The following SUPT3H variants were observed in gnomAD, a reference collection of about 807,000 sequenced individuals.
The protein encoded by SUPT3H is transcription initiation protein SPT3 homolog.
In SUPT3H, 44 loss-of-function variants were observed where a neutral mutation model predicts 44.3. The observed-to-expected ratio is 0.99, with a 90% confidence interval of 0.78 to 1.28. The LOEUF (loss-of-function observed/expected upper bound fraction) is 1.28, where lower values mean the gene tolerates loss of function less well. Ranked by LOEUF, SUPT3H falls within the 50% of genes most tolerant of loss-of-function variation. The pLI is 0.00. For synonymous variants in SUPT3H, 124 were observed against 125.6 expected (o/e 0.99, Z 0.09); for missense variants, 380 against 387.1 (o/e 0.98, Z 0.15).
intron 10 of SUPT3H, among the ~76,000 whole-genome samples, chr6:44,890,753 TATA>T (rs759182550): frequency 6.1e-5 from 7 of 114,258 alleles, no homozygotes; most frequent in Non-Finnish European, 5.8e-5. Context: ...AAACTTAAAG[TATA>T]ATAATAATAA....
chr6:45,065,526 T>G lies in SUPT3H; in HGVS notation c.186+40396A>C, dbSNP rs1014633146. 5.2e-4 allele frequency among the ~76,000 whole-genome samples: 79 copies of G among 151,280 alleles called. 1 individual carries two copies. Among genetic ancestry groups the G allele is most frequent in the African/African-American group, 1.8e-3 (72 of 41,022 alleles). On this transcript the variant is annotated intron_variant, in intron 3 of 10. Coordinates refer to ENST00000371459, the MANE Select transcript of SUPT3H (RefSeq NM_003599.4). ...AAAAATCAATGAATCCAGGAGCTGGTTTTTTGAAAGGATCAACAAAATTGA... is the reference window on the plus strand; with the variant it reads ...AAAAATCAATGAATCCAGGAGCTGGGTTTTTGAAAGGATCAACAAAATTGA...
At chr6:45,076,811 T>A (rs1236589181) in intron 3 of SUPT3H, among the ~76,000 whole-genome samples, 1 of 152,114 alleles carries the variant, frequency 6.6e-6, no homozygotes, top group African/African-American at 2.4e-5. Context: ...AGATGCCCAG[T>A]TTCCTAGCAG....
intron 2 of SUPT3H, among the ~76,000 whole-genome samples, chr6:45,304,241 AT>A (rs1389819655): frequency 6.6e-6 from 1 of 152,198 alleles, no homozygotes; most frequent in Non-Finnish European, 1.5e-5. Flanking sequence ...ATTAAAAGAC[AT>A]TTAAAACTGC....
chr6:44,872,621 A>C (rs748159283), intron 10 of SUPT3H, among the ~76,000 whole-genome samples: 45 of 147,606 alleles, frequency 3.0e-4, no homozygotes, highest in Non-Finnish European at 5.0e-4. Flanking sequence ...TAACATCATA[A>C]TGACAGGATC....
intron 10 of SUPT3H, among the ~76,000 whole-genome samples, chr6:44,911,272 CCCA>C (rs1024131515): frequency 2.4e-5 from 3 of 122,488 alleles, no homozygotes; most frequent in African/African-American, 8.7e-5. Context: ...AGTCAGCATT[CCCA>C]CCACATGTTT....
chr6:45,178,678 C>A lies in SUPT3H; in HGVS notation c.102-72672G>T, dbSNP rs529883850. On this transcript the variant is annotated intron_variant, in intron 2 of 10. Coordinates refer to ENST00000371459, the MANE Select transcript of SUPT3H (RefSeq NM_003599.4). ...ACATAGTTGGAAGTAAAGCTCTCCT[C>A]AGCAAATGTAAAAGAACAGAAATTA... Among the ~76,000 whole-genome samples, 4 of 152,180 alleles carry A rather than the reference C, an allele frequency of 2.6e-5. No homozygotes were observed. In the South Asian group the frequency reaches 6.2e-4, roughly 24 times the overall value.
chr6:44,954,215 C>A (rs1223080046), intron 8 of SUPT3H, among the ~76,000 whole-genome samples: 6 of 152,154 alleles, frequency 3.9e-5, no homozygotes, highest in African/African-American at 1.4e-4. Context: ...CTAAACAAGG[C>A]AGATGTGGAT....
intron 2 of SUPT3H, among the ~76,000 whole-genome samples, chr6:45,228,728 A>T (rs1767393820): frequency 6.6e-6 from 1 of 152,088 alleles, no homozygotes; most frequent in African/African-American, 2.4e-5. Flanking sequence ...GGCTCACTAC[A>T]GCCGCCGCCC....
intron 2 of SUPT3H, among the ~76,000 whole-genome samples, chr6:45,123,139 T>C (rs1801911905): frequency 6.6e-6 from 1 of 152,160 alleles, no homozygotes; most frequent in Admixed American, 6.5e-5. Context: ...ACTTTAACAA[T>C]ATTCACTGAA....
chr6:45,206,182 TAGTA>T (rs1237106427), intron 2 of SUPT3H, among the ~76,000 whole-genome samples: 2 of 152,278 alleles, frequency 1.3e-5, no homozygotes, highest in African/African-American at 4.8e-5. Flanking sequence ...GAACATGTGT[TAGTA>T]AGGAAGAATA....
rs201176919 is a variant in SUPT3H at position 45,288,468 on chromosome 6, A to G, written c.101+76733T>C. Among the ~76,000 whole-genome samples, 3 of 150,908 alleles carry G rather than the reference A, an allele frequency of 2.0e-5. No individual in the cohort carries two copies. The East Asian group carries it at 5.8e-4, about 29-fold the overall frequency. On this transcript the variant is annotated intron_variant, in intron 2 of 10. Transcript: ENST00000371459. ...AGATGGCAAAATTATTATAAATTCA[A>G]TAATGTTTTAAAATGTATTTGTACT...
At chr6:45,265,493 A>C (rs903500284) in intron 2 of SUPT3H, among the ~76,000 whole-genome samples, 2 of 152,080 alleles carry the variant, frequency 1.3e-5, no homozygotes, top group Non-Finnish European at 2.9e-5. Context: ...AACCTTCGTC[A>C]CTTCCTGGGA....
chr6:45,337,365 C>T (rs966860903), intron 2 of SUPT3H, among the ~76,000 whole-genome samples: 1 of 151,486 alleles, frequency 6.6e-6, no homozygotes, highest in Admixed American at 6.6e-5. Context: ...GGTGTATCTC[C>T]AGCATTCGAA....
chr6:45,275,713 G>A (rs1776906471), intron 2 of SUPT3H, among the ~76,000 whole-genome samples: 1 of 152,080 alleles, frequency 6.6e-6, no homozygotes, highest in African/African-American at 2.4e-5. Context: ...GGTTAGGTAA[G>A]TTGTTAATAT....
At chr6:45,107,265 C>T (rs1452632109) in intron 2 of SUPT3H, among the ~76,000 whole-genome samples, 1 of 152,250 alleles carries the variant, frequency 6.6e-6, no homozygotes, top group East Asian at 1.9e-4. Context: ...AGTACTGAAC[C>T]TTCAAAATTT....
At chr6:44,967,640 AT>A (rs1269427604) in intron 6 of SUPT3H, among the ~76,000 whole-genome samples, 1 of 152,216 alleles carries the variant, frequency 6.6e-6, no homozygotes, top group African/African-American at 2.4e-5. Flanking sequence ...TCACTGAAGC[AT>A]TTTTAAAGGT....
intron 10 of SUPT3H, among the ~76,000 whole-genome samples, chr6:44,908,097 AATTTT>A (rs1299395670): frequency 2.6e-5 from 4 of 152,176 alleles, no homozygotes; most frequent in Non-Finnish European, 5.9e-5. Flanking sequence ...CAAAGAATTT[AATTTT>A]AACCAGTGCA....
intron 2 of SUPT3H, among the ~76,000 whole-genome samples, chr6:45,303,671 TAAAAAAAAAAA>T (rs36119324): frequency 4.4e-5 from 5 of 113,068 alleles, no homozygotes; most frequent in African/African-American, 1.6e-4. Flanking sequence ...ATTCTAGAAG[TAAAAAAAAAAA>T]AAAAAAAAAA....
intron 2 of SUPT3H, among the ~76,000 whole-genome samples, chr6:45,312,514 C>CAAAA (rs144073348): frequency 0.013 from 1,339 of 106,462 alleles, 18 homozygotes; most frequent in Non-Finnish European, 0.019. Context: ...GACTCCATCT[C>CAAAA]AAAAAAAAAA....
Sources: allele counts gnomAD v4.1 joint callset (sites outside exome capture counted in the v4.1 genomes callset), GRCh38; gene constraint gnomAD v4.1.1; transcripts MANE v1.5; gene names NCBI Gene and HGNC (gene_info 2026-07-23, HGNC 2026-07-21).